The following GRAMD1C variants were observed in gnomAD, a reference collection of about 807,000 sequenced individuals.
The protein encoded by GRAMD1C is protein Aster-C.
GRAMD1C carries 89 observed loss-of-function variants against 97.8 expected under a neutral mutation model. The observed-to-expected ratio is 0.91, with a 90% CI of 0.77 to 1.09. The LOEUF (loss-of-function observed/expected upper bound fraction) is 1.09, where lower values mean the gene tolerates loss of function less well. Among genes scored for constraint, GRAMD1C ranks in the 50% least tolerant of loss-of-function variants. The probability of loss-of-function intolerance (pLI) is 0.00; values close to 1 mark genes in which losing one functional copy is unlikely to be tolerated. For missense variants in GRAMD1C, 740 were observed against 766.4 expected, an observed-to-expected ratio of 0.97 and a Z score of 0.41; for synonymous variants, 256 against 267.0, an observed-to-expected ratio of 0.96 and a Z score of 0.40.
At chr3:113,890,388 A>G (rs931632578) in intron 6 of GRAMD1C, among the ~76,000 whole-genome samples, 2 of 152,196 alleles carry the variant, frequency 1.3e-5, no homozygotes, top group Non-Finnish European at 2.9e-5. Context: ...CACGGGCAGC[A>G]GGTCCTGCAG....
intron 6 of GRAMD1C, chr3:113,897,688 A>G (rs1018893831): frequency 1.0e-6 from 1 of 981,978 alleles, no homozygotes; most frequent in Non-Finnish European, 1.2e-6. Context: ...TACTTAGAAT[A>G]CACAGCTTTC....
At chr3:113,943,087 G>T (rs1937882264) in intron 17 of GRAMD1C, among the ~76,000 whole-genome samples, 1 of 152,096 alleles carries the variant, frequency 6.6e-6, no homozygotes, top group Admixed American at 6.5e-5. Flanking sequence ...AGCAAAGTTG[G>T]ATGTGTGTAT....
chr3:113,847,809 C>T (rs1933680282), intron 2 of GRAMD1C, among the ~76,000 whole-genome samples: 1 of 152,026 alleles, frequency 6.6e-6, no homozygotes. Flanking sequence ...ATAGTGAGAT[C>T]CCATCTCTAA....
At chr3:113,914,790 G>A (rs1208811224) in intron 9 of GRAMD1C, among the ~76,000 whole-genome samples, 2 of 151,858 alleles carry the variant, frequency 1.3e-5, no homozygotes, top group African/African-American at 4.8e-5. Context: ...CAAATTCCAG[G>A]TCAGTCACTC....
chr3:113,849,149 C>T (rs1933741708), intron 2 of GRAMD1C, among the ~76,000 whole-genome samples: 1 of 151,998 alleles, frequency 6.6e-6, no homozygotes, highest in Non-Finnish European at 1.5e-5. Flanking sequence ...ATAGAGTAAG[C>T]AACTATTGGG....
In GRAMD1C at chr3:113,934,538, T is replaced by C; in HGVS notation, c.1456+3T>C. On this transcript the variant is annotated splice_donor_region_variant and intron_variant, in intron 13 of 17. Coordinates refer to ENST00000358160, the MANE Select transcript of GRAMD1C (RefSeq NM_017577.5). ...GGAGGACTATTTCAAACAGCTTGGT[T>C]TGTAAATTTTTTTATTTATCTATTT... 7.6e-7 allele frequency: 1 copy of C among 1,321,532 alleles called. No individual in the cohort carries two copies. The highest frequency in any genetic ancestry group is 1.1e-6 in the Non-Finnish European group (1 of 944,350). The allele number at this position is 1,321,532 out of a possible 1,614,324, so 81.9% of individuals were successfully genotyped here.
chr3:113,858,260 TCTCA>T lies in GRAMD1C; in HGVS notation c.175-11243_175-11240del, dbSNP rs575416422. Among the ~76,000 whole-genome samples, 61 of 151,492 alleles carry T rather than the reference TCTCA, an allele frequency of 4.0e-4. 1 individual carries two copies. Among genetic ancestry groups the T allele is most frequent in the South Asian group, 2.1e-3 (10 of 4,754 alleles). On this transcript the variant is annotated intron_variant, in intron 2 of 17. Transcript: ENST00000358160. ...CTTTTGTTTTGTTCTTGAGACAGAG[TCTCA>T]CTCTGTTGCCCAGGCTGGGGTGCAG...
In GRAMD1C at chr3:113,940,179, G is replaced by A. The variant is rs2107382904; in HGVS notation, c.1803-61G>A. ...AATTTATGGGGCTCTGATGATTTCT[G>A]GAAATGAAAAAAAGATCAGAAGCTA... is the stretch of plus-strand genomic sequence containing the variant. On this transcript the variant is annotated intron_variant, in intron 16 of 17. Transcript: ENST00000358160. 4 of 1,066,608 alleles carry A rather than the reference G, an allele frequency of 3.8e-6. No homozygotes were observed. In the East Asian group the frequency reaches 9.5e-5, roughly 25 times the overall value. 66.1% of individuals were successfully genotyped at this position (1,066,608 alleles called of 1,614,324 possible).
intron 9 of GRAMD1C, among the ~76,000 whole-genome samples, chr3:113,911,171 G>GACACACACACACACACAC (rs760223728): frequency 8.6e-3 from 45 of 5,224 alleles, no homozygotes; most frequent in Admixed American, 0.037. Flanking sequence ...AACAGAGAGA[G>GACACACACACACACACAC]AGACACACAC....
intron 2 of GRAMD1C, among the ~76,000 whole-genome samples, chr3:113,868,998 C>G (rs1042105833): frequency 9.2e-5 from 14 of 152,020 alleles, no homozygotes; most frequent in African/African-American, 3.1e-4. Context: ...CCCTTTCACT[C>G]CTGGGCATAG....
intron 13 of GRAMD1C, among the ~76,000 whole-genome samples, chr3:113,935,724 ACT>A (rs113740885): frequency 3.9e-5 from 6 of 152,046 alleles, no homozygotes; most frequent in Non-Finnish European, 5.9e-5. Flanking sequence ...GAAAAATGAA[ACT>A]CAAAAAAAAT....
At chr3:113,930,870 T>G (rs1411207237) in intron 11 of GRAMD1C, 38 bp downstream of exon 11, 2 of 1,038,212 alleles carry the variant, frequency 1.9e-6, no homozygotes, top group Non-Finnish European at 3.0e-6. Context: ...GAGTCATGTG[T>G]GGGGGAAGAG....
intron 6 of GRAMD1C, among the ~76,000 whole-genome samples, chr3:113,884,736 G>A (rs1488457879): frequency 1.3e-5 from 2 of 151,936 alleles, no homozygotes; most frequent in Admixed American, 6.6e-5. Flanking sequence ...CTACTCGGGA[G>A]GCTGAGGCAG....
intron 5 of GRAMD1C, among the ~76,000 whole-genome samples, chr3:113,877,305 C>T (rs781605961): frequency 3.9e-5 from 6 of 152,192 alleles, no homozygotes; most frequent in Admixed American, 1.3e-4. Flanking sequence ...TTCTATATAA[C>T]CACAATATAA....
intron 5 of GRAMD1C, among the ~76,000 whole-genome samples, chr3:113,877,620 G>A (rs941333185): frequency 2.0e-5 from 3 of 152,158 alleles, no homozygotes; most frequent in African/African-American, 7.2e-5. Flanking sequence ...AGAAATACAT[G>A]GAAATGATGC....
At chr3:113,859,430 A>G (rs1282508142) in intron 2 of GRAMD1C, among the ~76,000 whole-genome samples, 1 of 152,138 alleles carries the variant, frequency 6.6e-6, no homozygotes, top group Admixed American at 6.5e-5. Context: ...GTTTGATTTC[A>G]TTATAGTCAG....
chr3:113,911,195 C>A (rs1353922147), intron 9 of GRAMD1C, among the ~76,000 whole-genome samples: 1 of 149,906 alleles, frequency 6.7e-6, no homozygotes, highest in Non-Finnish European at 1.5e-5. Flanking sequence ...CACACGCACA[C>A]GAGAGAGAGA....
chr3:113,946,685 C>A lies in GRAMD1C; in HGVS notation c.*1207C>A, dbSNP rs948807870. 2 of 152,198 alleles carry A rather than the reference C, an allele frequency of 1.3e-5. No individual in the cohort carries two copies. The highest frequency in any genetic ancestry group is 6.5e-5 in the Admixed American group (1 of 15,286). 9.4% of individuals were successfully genotyped at this position (152,198 alleles called of 1,614,324 possible). ...ATCCATCTATCTATCTATATATAAACTGTGTATACATTCTTACTGTTTGAA... is the reference window on the plus strand; with the variant it reads ...ATCCATCTATCTATCTATATATAAAATGTGTATACATTCTTACTGTTTGAA... On this transcript the variant is annotated 3_prime_UTR_variant, in exon 18 of 18. Coordinates refer to ENST00000358160, the MANE Select transcript of GRAMD1C (RefSeq NM_017577.5).
intron 10 of GRAMD1C, among the ~76,000 whole-genome samples, chr3:113,916,933 G>A (rs748279666): frequency 2.6e-5 from 4 of 152,016 alleles, no homozygotes; most frequent in Admixed American, 6.6e-5. Flanking sequence ...TGAATTGCTC[G>A]AGCCCAGGAG....
Sources: allele counts gnomAD v4.1 joint callset (sites outside exome capture counted in the v4.1 genomes callset), GRCh38; gene constraint gnomAD v4.1.1; transcripts MANE v1.5; gene names NCBI Gene and HGNC (gene_info 2026-07-23, HGNC 2026-07-21).